Variants in ZNF516 observed in about 807,000 individuals in gnomAD.
ZNF516 encodes the protein zinc finger protein 516.
Under a neutral mutation model 79.7 loss-of-function variants are expected in ZNF516, and 19 were observed. That is an observed-to-expected ratio of 0.24 (90% CI 0.17 to 0.35). The LOEUF (loss-of-function observed/expected upper bound fraction) is 0.35. Among genes scored for constraint, ZNF516 ranks in the 10% least tolerant of loss-of-function variants. The pLI is 1.00. For missense variants in ZNF516, 1,678 were observed against 1,679.5 expected (o/e 1.00, Z 0.02); for synonymous variants, 877 against 739.5 (o/e 1.19, Z -3.02).
At chr18:76,395,212 C>T (rs564170962) in intron 3 of ZNF516, among the ~76,000 whole-genome samples, 1 of 152,216 alleles carries the variant, frequency 6.6e-6, no homozygotes, top group Non-Finnish European at 1.5e-5. Context: ...CCCACACAGG[C>T]ACTCCTGCTG....
At chr18:76,431,612 T>TG (rs2075662138) in intron 3 of ZNF516, among the ~76,000 whole-genome samples, 1 of 152,196 alleles carries the variant, frequency 6.6e-6, no homozygotes, top group Non-Finnish European at 1.5e-5. Flanking sequence ...ACGAATGGCT[T>TG]GGTGCTCATT....
chr18:76,379,048 G>T lies in ZNF516; in HGVS notation c.3066C>A (p.Gly1022=), dbSNP rs374668991. The T allele has an allele frequency of 1.3e-5, 21 of 1,610,346 alleles. No individual in the cohort carries two copies. In the East Asian group the frequency reaches 4.7e-4, roughly 36 times the overall value. ...CGGGCTGGGCCTGCAAGGCCGCGTCGCCCCTGGACCCCGCAGCACAGGTGG... is the reference window on the plus strand; with the variant it reads ...CGGGCTGGGCCTGCAAGGCCGCGTCTCCCCTGGACCCCGCAGCACAGGTGG... The part of the protein sequence containing the change: ...TLATCAAGSR[G]DAALQAQPGV... The change falls in exon 4 of 7, where the codon GGC becomes GGA. Residue 1022 remains glycine (G), a synonymous_variant. Coordinates refer to ENST00000443185, the MANE Select transcript of ZNF516 (RefSeq NM_014643.4).
chr18:76,480,330 T>C (rs1914435780), intron 1 of ZNF516, among the ~76,000 whole-genome samples: 1 of 152,106 alleles, frequency 6.6e-6, no homozygotes, highest in African/African-American at 2.4e-5. Context: ...AAACGTAAAG[T>C]GATAGACATA....
chr18:76,425,029 C>T (rs1160700542), intron 3 of ZNF516, among the ~76,000 whole-genome samples: 1 of 151,326 alleles, frequency 6.6e-6, no homozygotes, highest in African/African-American at 2.4e-5. Flanking sequence ...GAAAAGGTTC[C>T]CCCGAAACAC....
chr18:76,391,645 C>T (rs1429502433), intron 3 of ZNF516, among the ~76,000 whole-genome samples: 1 of 152,196 alleles, frequency 6.6e-6, no homozygotes, highest in Non-Finnish European at 1.5e-5. Flanking sequence ...GACAGGGGTC[C>T]CCAAACATGA....
In ZNF516 at chr18:76,428,125, G is replaced by A. The variant is rs555524007; in HGVS notation, c.1810+13120C>T. 2.6e-5 allele frequency among the ~76,000 whole-genome samples: 4 copies of A among 152,176 alleles called. No individual in the cohort carries two copies. The East Asian group carries it at 5.8e-4, about 22-fold the overall frequency. On this transcript the variant is annotated intron_variant, in intron 3 of 6. Coordinates refer to ENST00000443185, the MANE Select transcript of ZNF516 (RefSeq NM_014643.4). ...TCATGGTCCGGGCGCAGTGGCTCAG[G>A]CCTGTAATCCCAGCACTTTGGGAGG...
At chr18:76,371,438 T>C (rs777865466) in intron 5 of ZNF516, 29 bp downstream of exon 5, 10 of 1,586,904 alleles carry the variant, frequency 6.3e-6, no homozygotes, top group Middle Eastern at 3.3e-4. Context: ...TCTGCTCCCC[T>C]TGGGGATAGC....
chr18:76,442,770 C>A lies in ZNF516; in HGVS notation c.285G>T (p.Pro95=). The stretch of plus-strand genomic sequence containing the variant: ...CACCCAGCGGCGCCTCGCCCGCCTC[C>A]GGCTCGTGTCCCTGAATCAGAGTCC... ...RTGTLIQGHE[P]EAGEAPLGEM... is the part of the protein sequence containing the mutation. Residue 95 remains proline, a synonymous_variant, in exon 3 of 7, where the codon CCG becomes CCT. Coordinates refer to ENST00000443185, the MANE Select transcript of ZNF516 (RefSeq NM_014643.4). 1 of 1,595,548 alleles carries A rather than the reference C, an allele frequency of 6.3e-7. No homozygotes were observed. Among genetic ancestry groups the A allele is most frequent in the East Asian group, 2.3e-5 (1 of 43,808 alleles).
At chr18:76,492,980 G>C in intron 1 of ZNF516, 7 of 985,536 alleles carry the variant, frequency 7.1e-6, no homozygotes, top group Non-Finnish European at 8.4e-6. Flanking sequence ...GCACGCGCAC[G>C]CGCGCGCTCA....
At chr18:76,385,206 G>A (rs970134518) in intron 3 of ZNF516, among the ~76,000 whole-genome samples, 1 of 152,222 alleles carries the variant, frequency 6.6e-6, no homozygotes, top group African/African-American at 2.4e-5. Flanking sequence ...TTCTAAGCAG[G>A]ACCTTCCTAG....
chr18:76,484,427 T>G (rs961508885), intron 1 of ZNF516, among the ~76,000 whole-genome samples: 1 of 152,224 alleles, frequency 6.6e-6, no homozygotes, highest in Non-Finnish European at 1.5e-5. Flanking sequence ...ATGCTTTCCT[T>G]CACGGTCATT....
intron 3 of ZNF516, among the ~76,000 whole-genome samples, chr18:76,425,747 C>T (rs1053654551): frequency 1.3e-5 from 2 of 152,200 alleles, no homozygotes. Context: ...TTTTCAGGGT[C>T]CCACAAAGCA....
intron 3 of ZNF516, among the ~76,000 whole-genome samples, chr18:76,380,565 A>G (rs1014204038): frequency 1.3e-5 from 2 of 152,176 alleles, no homozygotes; most frequent in African/African-American, 4.8e-5. Flanking sequence ...TGGTGTATCT[A>G]GTTACATGTA....
intron 3 of ZNF516, among the ~76,000 whole-genome samples, chr18:76,381,102 G>A (rs575118828): frequency 2.2e-4 from 34 of 152,236 alleles, no homozygotes; most frequent in Non-Finnish European, 4.6e-4. Flanking sequence ...TCTGCGGTGG[G>A]GAGGGATGGT....
chr18:76,456,395 A>G (rs1024840772), intron 2 of ZNF516, among the ~76,000 whole-genome samples: 4 of 152,230 alleles, frequency 2.6e-5, no homozygotes, highest in African/African-American at 9.6e-5. Flanking sequence ...TTATCCATCA[A>G]TAACTAAGGA....
intron 3 of ZNF516, among the ~76,000 whole-genome samples, chr18:76,406,079 C>T (rs920620864): frequency 6.6e-6 from 1 of 152,272 alleles, no homozygotes; most frequent in East Asian, 1.9e-4. Context: ...AGGTGAGGGG[C>T]CTCCTTCAGG....
chr18:76,480,136 C>A (rs1599155190), intron 1 of ZNF516, among the ~76,000 whole-genome samples: 1 of 100,976 alleles, frequency 9.9e-6, no homozygotes, highest in African/African-American at 3.9e-5. Context: ...GTAAAATGCA[C>A]ATGGGGCACT....
intron 3 of ZNF516, among the ~76,000 whole-genome samples, chr18:76,401,745 ACCACCAACCACACCCC>A (rs2075227623): frequency 7.9e-6 from 1 of 126,688 alleles, no homozygotes; most frequent in Non-Finnish European, 1.7e-5. Context: ...GCATCTCTCC[ACCACCAACCACACCCC>A]CGCGCTCCAT....
At position 76,493,148 on chromosome 18, in the gene ZNF516, A is replaced by G. The variant is rs1249537087; in HGVS notation, c.-272+1996T>C. On this transcript the variant is annotated intron_variant, in intron 1 of 6. Coordinates refer to ENST00000443185, the MANE Select transcript of ZNF516 (RefSeq NM_014643.4). The surrounding 1 kb of genome is among the most constrained non-coding windows in gnomAD (Gnocchi z 5.2). ...TACCGTTTCATTTAATGGTAAAACA[A>G]CAGCAGAGCTCTGAAAGTTAGCCAT... 9 of 985,234 alleles carry G rather than the reference A, an allele frequency of 9.1e-6. No homozygotes were observed. The highest frequency in any genetic ancestry group is 6.0e-6 in the Non-Finnish European group (5 of 829,890). 61.0% of individuals were successfully genotyped at this position (985,234 alleles called of 1,614,324 possible). A position where few individuals can be genotyped will look rare whatever the true frequency, so the allele number is the denominator to read the frequency against.
Sources: gnomAD v4.1 joint callset for allele counts (sites outside exome capture counted in the v4.1 genomes callset) on GRCh38, gnomAD v4.1.1 for gene constraint, Gnocchi (gnomAD v3.1) non-coding constraint, MANE v1.5 for transcripts, NCBI Gene and HGNC (gene_info 2026-07-23, HGNC 2026-07-21) for gene names.